Variants in PTPN4 observed in about 807,000 individuals in gnomAD.
PTPN4 encodes tyrosine-protein phosphatase non-receptor type 4.
A neutral mutation model predicts 135.5 loss-of-function variants in PTPN4; 49 were observed. That is an observed-to-expected ratio of 0.36 (90% CI 0.29 to 0.46). The LOEUF (loss-of-function observed/expected upper bound fraction) is 0.46. Ranked by LOEUF, PTPN4 falls within the 20% of genes least tolerant of loss-of-function variation. The pLI, the probability that PTPN4 is intolerant of heterozygous loss-of-function variation, is 1.00. For synonymous variants in PTPN4, 333 were observed against 369.9 expected (o/e 0.90, Z 1.14); for missense variants, 860 against 1,101.0 (o/e 0.78, Z 3.10).
intron 9 of PTPN4, among the ~76,000 whole-genome samples, chr2:119,887,453 C>T (rs1220508018): frequency 6.6e-6 from 1 of 152,210 alleles, no homozygotes; most frequent in Non-Finnish European, 1.5e-5. Context: ...TGCCACTTCA[C>T]TCCAGCTGGG....
chr2:119,873,120 T>A (rs1677936853), intron 3 of PTPN4, among the ~76,000 whole-genome samples: 1 of 151,778 alleles, frequency 6.6e-6, no homozygotes, highest in South Asian at 2.1e-4. Context: ...GCCTCCCGAG[T>A]AACCAGGACT....
At chr2:119,871,488 G>A (rs567933090) in intron 3 of PTPN4, among the ~76,000 whole-genome samples, 7 of 152,102 alleles carry the variant, frequency 4.6e-5, no homozygotes, top group South Asian at 2.1e-4. Context: ...AACCACTTGC[G>A]CTCAGGAGTT....
intron 5 of PTPN4, among the ~76,000 whole-genome samples, chr2:119,879,893 C>T (rs143182615): frequency 0.016 from 2,428 of 151,922 alleles, 38 homozygotes; most frequent in Non-Finnish European, 0.024. Context: ...AAAGTTGACT[C>T]TGTTTGGTAG....
intron 18 of PTPN4, among the ~76,000 whole-genome samples, chr2:119,950,347 A>T (rs1679195208): frequency 6.6e-6 from 1 of 152,236 alleles, no homozygotes; most frequent in African/African-American, 2.4e-5. Context: ...TAAGTAGACA[A>T]AAAAGCAACT....
chr2:119,804,607 A>G lies in PTPN4; in HGVS notation c.-17-5230A>G, dbSNP rs183732379. 1.7e-4 allele frequency among the ~76,000 whole-genome samples: 26 copies of G among 152,122 alleles called. No individual in the cohort carries two copies. In the East Asian group the frequency reaches 4.8e-3, roughly 28 times the overall value. ...ATCCATGTCCCTGCAAAGGACGTGA[A>G]CTCATCCTTTTTTATGGCTGCATAG... On this transcript the variant is annotated intron_variant, in intron 1 of 26. Transcript: ENST00000263708.
intron 1 of PTPN4, among the ~76,000 whole-genome samples, chr2:119,763,009 A>C (rs1690536339): frequency 6.6e-6 from 1 of 152,172 alleles, no homozygotes; most frequent in African/African-American, 2.4e-5. Context: ...TCTTCATTTA[A>C]TATTTAATGA....
chr2:119,899,475 C>T (rs1242578869), intron 9 of PTPN4, among the ~76,000 whole-genome samples: 4 of 152,056 alleles, frequency 2.6e-5, no homozygotes, highest in African/African-American at 9.7e-5. Flanking sequence ...CTAGTCTTAC[C>T]ACTTTATATC....
At chr2:119,960,591 C>G (rs1679352087) in intron 22 of PTPN4, among the ~76,000 whole-genome samples, 1 of 152,120 alleles carries the variant, frequency 6.6e-6, no homozygotes, top group Non-Finnish European at 1.5e-5. Context: ...TTCTTATTTC[C>G]ACTAATTAAA....
chr2:119,906,255 G>A (rs1678486218), intron 10 of PTPN4, among the ~76,000 whole-genome samples: 1 of 152,006 alleles, frequency 6.6e-6, no homozygotes, highest in Non-Finnish European at 1.5e-5. Context: ...TGTAGTCCTG[G>A]GTACTCGGGA....
chr2:119,950,029 G>C (rs1049606464), intron 18 of PTPN4, among the ~76,000 whole-genome samples: 1 of 152,060 alleles, frequency 6.6e-6, no homozygotes, highest in Non-Finnish European at 1.5e-5. Context: ...CTGACAAAAG[G>C]CATATTAACT....
intron 1 of PTPN4, among the ~76,000 whole-genome samples, chr2:119,797,490 T>C (rs1350407821): frequency 6.6e-6 from 1 of 152,240 alleles, no homozygotes; most frequent in Non-Finnish European, 1.5e-5. Flanking sequence ...TGATATTAGA[T>C]GAAAAGTGCT....
Position 119,977,124 on chromosome 2 carries a change from C to A in PTPN4, c.*54C>A. Reference sequence around the variant, plus strand: ...GGAAAACTGCTTTCCCTTATGTTCACTGTGCCATAATGCTGCTCGCAGGAA... The same window carrying A: ...GGAAAACTGCTTTCCCTTATGTTCAATGTGCCATAATGCTGCTCGCAGGAA... On this transcript the variant is annotated 3_prime_UTR_variant, in exon 27 of 27. Coordinates refer to ENST00000263708, the MANE Select transcript of PTPN4 (RefSeq NM_002830.4). The A allele has an allele frequency of 6.5e-7, 1 of 1,531,402 alleles. No individual in the cohort carries two copies. The allele number at this position is 1,531,402 out of a possible 1,614,324, so 94.9% of individuals were successfully genotyped here.
At chr2:119,916,160 A>G (rs907965062) in intron 11 of PTPN4, 5 of 149,416 alleles carry the variant, frequency 3.3e-5, no homozygotes, top group African/African-American at 1.2e-4. Flanking sequence ...TCATCACACC[A>G]TTGCACTCCA....
intron 10 of PTPN4, among the ~76,000 whole-genome samples, chr2:119,912,791 G>A (rs965362007): frequency 6.6e-6 from 1 of 152,054 alleles, no homozygotes; most frequent in South Asian, 2.1e-4. Flanking sequence ...AGTTTCAGGG[G>A]CAGCATCACC....
At chr2:119,880,436 T>C (rs1678053863) in intron 5 of PTPN4, among the ~76,000 whole-genome samples, 1 of 152,012 alleles carries the variant, frequency 6.6e-6, no homozygotes, top group South Asian at 2.1e-4. Flanking sequence ...ATTTTTTTTT[T>C]TTTCTTTTTT....
chr2:119,935,878 C>CA (rs1375331840), intron 15 of PTPN4, among the ~76,000 whole-genome samples: 1 of 152,040 alleles, frequency 6.6e-6, no homozygotes, highest in Non-Finnish European at 1.5e-5. Flanking sequence ...ATGCAGGAAT[C>CA]AAAAAGCCTA....
intron 15 of PTPN4, chr2:119,935,167 A>T: frequency 1.8e-6 from 1 of 565,402 alleles, no homozygotes; most frequent in Non-Finnish European, 3.0e-6. Flanking sequence ...TATTTTGTTG[A>T]CTTAGACAGT....
rs1220376937 is a variant in PTPN4 at position 119,843,707 on chromosome 2, C to T, written c.139-18829C>T. Among the ~76,000 whole-genome samples, 6 of 59,644 alleles carry T rather than the reference C, an allele frequency of 1.0e-4. No homozygotes were observed. The South Asian group carries it at 4.8e-3, about 47-fold the overall frequency. The allele number at this position is 59,644 out of a possible 152,430, so 39.1% of individuals were successfully genotyped here. ...CCCAGTAGGGGCGGCCGGGCAGAGG[C>T]GCCCCTCACCTCCCGGACGGGGTGG... On this transcript the variant is annotated intron_variant, in intron 2 of 26. Coordinates refer to ENST00000263708, the MANE Select transcript of PTPN4 (RefSeq NM_002830.4).
intron 4 of PTPN4, 22 bp downstream of exon 4, chr2:119,877,387 A>T: frequency 6.2e-7 from 1 of 1,610,806 alleles, no homozygotes; most frequent in Non-Finnish European, 8.5e-7. Context: ...TATTTACTTA[A>T]TGTTTTGCAA....
Sources: gnomAD v4.1 joint callset for allele counts (sites outside exome capture counted in the v4.1 genomes callset) on GRCh38, gnomAD v4.1.1 for gene constraint, MANE v1.5 for transcripts, NCBI Gene and HGNC (gene_info 2026-07-23, HGNC 2026-07-21) for gene names.